EEF1AKMT1: variants seen among roughly 807,000 people sequenced by gnomAD.
The protein encoded by EEF1AKMT1 is EEF1A lysine methyltransferase 1, also known as N-6 adenine-specific DNA methyltransferase 2 (putative).
EEF1AKMT1 carries 18 observed loss-of-function variants against 21.0 expected under a neutral mutation model. That is an observed-to-expected ratio of 0.86 (90% CI 0.59 to 1.27). The LOEUF is 1.27. Ranked by LOEUF, EEF1AKMT1 falls within the 50% of genes most tolerant of loss-of-function variation. EEF1AKMT1 has a pLI of 0.00. For synonymous variants in EEF1AKMT1, 109 were observed against 94.8 expected (o/e 1.15, Z -0.87); for missense variants, 246 against 258.6 (o/e 0.95, Z 0.33).
intron 2 of EEF1AKMT1, among the ~76,000 whole-genome samples, chr13:20,754,748 A>T (rs1222482844): frequency 7.4e-6 from 1 of 134,992 alleles, no homozygotes; most frequent in African/African-American, 3.4e-5. Context: ...ATACAAAAAA[A>T]AAAAAAAAAA....
At chr13:20,768,147 G>A (rs2141441009) in intron 1 of EEF1AKMT1, among the ~76,000 whole-genome samples, 1 of 152,244 alleles carries the variant, frequency 6.6e-6, no homozygotes, top group Non-Finnish European at 1.5e-5. Context: ...GTATTTTCTT[G>A]CTTTTTCACA....
intron 2 of EEF1AKMT1, among the ~76,000 whole-genome samples, chr13:20,738,835 AGG>A (rs1474280248): frequency 6.6e-6 from 1 of 152,210 alleles, no homozygotes; most frequent in Non-Finnish European, 1.5e-5. Flanking sequence ...TTGAGGGATT[AGG>A]AGGTGACAGC....
chr13:20,760,061 C>T (rs990949133), intron 1 of EEF1AKMT1, among the ~76,000 whole-genome samples: 16 of 137,148 alleles, frequency 1.2e-4, no homozygotes, highest in African/African-American at 4.0e-4. Flanking sequence ...GCTGAGATTG[C>T]GCCACTGCAC....
chr13:20,754,741 C>CAAAAAAAAA lies in EEF1AKMT1; in HGVS notation c.144+2705_144+2713dup, dbSNP rs56777421. ...TAAAACCCTGTCTCTACCAAAAATA[C>CAAAAAAAAA]AAAAAAAAAAAAAAAAAAAAAAATC... On this transcript the variant is annotated intron_variant, in intron 2 of 4. Transcript: ENST00000382758. 3.9e-3 allele frequency among the ~76,000 whole-genome samples: 449 copies of CAAAAAAAAA among 116,214 alleles called. 1 individual carries two copies. Among genetic ancestry groups the CAAAAAAAAA allele is most frequent in the Middle Eastern group, 5.7e-3 (1 of 176 alleles). The allele number at this position is 116,214 out of a possible 152,430, so 76.2% of individuals were successfully genotyped here. A position where few individuals can be genotyped will look rare whatever the true frequency, so the allele number is the denominator to read the frequency against.
intron 3 of EEF1AKMT1, among the ~76,000 whole-genome samples, chr13:20,733,757 G>C (rs1448433157): frequency 6.6e-6 from 1 of 152,174 alleles, no homozygotes; most frequent in Non-Finnish European, 1.5e-5. Context: ...ATAGAGAAGA[G>C]AGTGACCTTT....
intron 2 of EEF1AKMT1, among the ~76,000 whole-genome samples, chr13:20,748,995 G>T (rs2058926564): frequency 6.6e-6 from 1 of 152,036 alleles, no homozygotes; most frequent in South Asian, 2.1e-4. Context: ...TCTCAAAGTG[G>T]GTAGAATTAC....
chr13:20,766,799 G>A (rs1449368997), intron 1 of EEF1AKMT1, among the ~76,000 whole-genome samples: 3 of 151,840 alleles, frequency 2.0e-5, no homozygotes, highest in Admixed American at 2.0e-4. Context: ...TCCAGCCTGG[G>A]CGACAGAGCA....
rs1427523873 is a variant in EEF1AKMT1, at chr13:20,737,751, C to T, written c.199G>A (p.Ala67Thr). The T allele has an allele frequency of 6.2e-7, 1 of 1,612,792 alleles. No homozygotes were observed. Among genetic ancestry groups the T allele is most frequent in the African/African-American group, 1.3e-5 (1 of 74,872 alleles). ...QETALQLAQEAIAAVGEGGRI... is the reference protein window; with the variant it reads ...QETALQLAQETIAAVGEGGRI... ...CCACCTTCTCCTACAGCTGCAATTG[C>T]CTCCTGTGCCAGCTGCAGAGCAGTT... Residue 67 changes from alanine to threonine, a missense_variant, in exon 3 of 5, where the codon GCA becomes ACA. By Grantham distance (58) the Ala-to-Thr change is moderately conservative (BLOSUM62 0). Coordinates refer to ENST00000382758, the MANE Select transcript of EEF1AKMT1 (RefSeq NM_001318939.2).
In EEF1AKMT1 at chr13:20,731,797, G is replaced by C. The variant is rs772127457; in HGVS notation, c.508+44C>G. On this transcript the variant is annotated intron_variant, in intron 4 of 4. Coordinates refer to ENST00000382758, the MANE Select transcript of EEF1AKMT1 (RefSeq NM_001318939.2). Reference sequence around the variant, plus strand: ...TTTCTTGACCCTGAAGACCTGAATAGCCACTGTCAGTGACTTTGATGAGAT... The same window carrying C: ...TTTCTTGACCCTGAAGACCTGAATACCCACTGTCAGTGACTTTGATGAGAT... 8 of 1,570,984 alleles carry C rather than the reference G, an allele frequency of 5.1e-6. No individual in the cohort carries two copies. In the East Asian group the frequency reaches 1.8e-4, roughly 35 times the overall value.
intron 2 of EEF1AKMT1, among the ~76,000 whole-genome samples, chr13:20,738,273 T>C (rs2058838028): frequency 2.6e-5 from 4 of 152,240 alleles, no homozygotes; most frequent in Admixed American, 2.6e-4. Flanking sequence ...CACAGCCTCA[T>C]CTTACCTTAT....
intron 2 of EEF1AKMT1, among the ~76,000 whole-genome samples, chr13:20,753,686 A>G (rs2058955298): frequency 6.6e-6 from 1 of 151,938 alleles, no homozygotes. Context: ...GTTTCTTTGT[A>G]CTGTTTTTTT....
chr13:20,730,137 G>T (rs2058784337), intron 4 of EEF1AKMT1, among the ~76,000 whole-genome samples: 1 of 152,222 alleles, frequency 6.6e-6, no homozygotes, highest in African/African-American at 2.4e-5. Context: ...CCAGCCTTTA[G>T]TCTATTTTAT....
intron 1 of EEF1AKMT1, among the ~76,000 whole-genome samples, chr13:20,764,711 C>T (rs9579949): frequency 0.17 from 25,132 of 151,890 alleles, 2,426 homozygotes; most frequent in African/African-American, 0.26. Flanking sequence ...ATACTTAGAA[C>T]TGTTGTTTGT....
intron 2 of EEF1AKMT1, among the ~76,000 whole-genome samples, chr13:20,754,853 G>A (rs886798814): frequency 1.3e-5 from 2 of 151,970 alleles, no homozygotes; most frequent in Admixed American, 1.3e-4. Flanking sequence ...TGGCACCACT[G>A]CACTCCAGCC....
rs141529406 is a variant in EEF1AKMT1, at chr13:20,771,108, G to A, written c.-20+2813C>T. Among the ~76,000 whole-genome samples, 452 of 152,232 alleles carry A rather than the reference G, an allele frequency of 3.0e-3. 1 individual carries two copies. Among genetic ancestry groups the A allele is most frequent in the African/African-American group, 0.01 (436 of 41,528 alleles). On this transcript the variant is annotated intron_variant, in intron 1 of 4. Transcript: ENST00000382758. ...GCTGGTCCTGAACTCCTCGATTCAAGTGATCTACCCACCTTGTTCTCCCAA... is the reference window on the plus strand; with the variant it reads ...GCTGGTCCTGAACTCCTCGATTCAAATGATCTACCCACCTTGTTCTCCCAA...
At chr13:20,745,398 C>CT (rs2058897836) in intron 2 of EEF1AKMT1, among the ~76,000 whole-genome samples, 1 of 151,970 alleles carries the variant, frequency 6.6e-6, no homozygotes. Flanking sequence ...GGGTCCTTCA[C>CT]GTCCCTTGTA....
At chr13:20,768,273 T>G (rs2059046681) in intron 1 of EEF1AKMT1, among the ~76,000 whole-genome samples, 1 of 152,222 alleles carries the variant, frequency 6.6e-6, no homozygotes, top group Non-Finnish European at 1.5e-5. Flanking sequence ...TGGAAACAAT[T>G]TGATCTTTTC....
chr13:20,745,222 G>C (rs978026625), intron 2 of EEF1AKMT1, among the ~76,000 whole-genome samples: 15 of 152,198 alleles, frequency 9.9e-5, no homozygotes, highest in Non-Finnish European at 1.9e-4. Context: ...TGCAAAGAAA[G>C]TCAATGGTAG....
intron 1 of EEF1AKMT1, among the ~76,000 whole-genome samples, chr13:20,763,068 C>T (rs576568516): frequency 1.1e-4 from 16 of 152,224 alleles, no homozygotes; most frequent in Admixed American, 3.9e-4. Flanking sequence ...CTGAGGATTT[C>T]GTCACCTATC....
Sources: gnomAD v4.1 joint callset for allele counts (sites outside exome capture counted in the v4.1 genomes callset) on GRCh38, gnomAD v4.1.1 for gene constraint, MANE v1.5 for transcripts, NCBI Gene and HGNC (gene_info 2026-07-23, HGNC 2026-07-21) for gene names.